CTNNA2: variants seen among roughly 807,000 people sequenced by gnomAD.
CTNNA2 encodes the protein catenin alpha-2.
A neutral mutation model predicts 101.0 loss-of-function variants in CTNNA2; 42 were observed. The observed-to-expected ratio is 0.42, with a 90% CI of 0.32 to 0.54. The LOEUF is 0.54. Ranked by LOEUF, CTNNA2 falls within the 20% of genes least tolerant of loss-of-function variation. The probability of loss-of-function intolerance (pLI) is 0.14; values close to 1 mark genes in which losing one functional copy is unlikely to be tolerated. For missense variants in CTNNA2, 871 were observed against 1,223.1 expected, an observed-to-expected ratio of 0.71 and a Z score of 4.29; for synonymous variants, 450 against 456.4, an observed-to-expected ratio of 0.99 and a Z score of 0.18.
intron 8 of CTNNA2, among the ~76,000 whole-genome samples, chr2:80,400,349 GC>G (rs1559077981): frequency 6.6e-6 from 1 of 151,954 alleles, no homozygotes; most frequent in African/African-American, 2.4e-5. Flanking sequence ...CTTCCTGCAG[GC>G]TCTGCCATGC....
intron 9 of CTNNA2, among the ~76,000 whole-genome samples, chr2:80,466,556 C>CA (rs1039300834): frequency 8.6e-5 from 13 of 151,180 alleles, no homozygotes; most frequent in South Asian, 6.3e-4. Context: ...AATATTTTTG[C>CA]AAAAAAAAGA....
chr2:80,565,667 A>G (rs12714010), intron 12 of CTNNA2, among the ~76,000 whole-genome samples: 89,663 of 151,860 alleles, frequency 0.59, 26,997 homozygotes, highest in South Asian at 0.83. Context: ...AGCATTTACT[A>G]TGGCTCTTTC....
At chr2:80,136,925 G>A (rs1390971640) in intron 7 of CTNNA2, among the ~76,000 whole-genome samples, 1 of 152,278 alleles carries the variant, frequency 6.6e-6, no homozygotes, top group African/African-American at 2.4e-5. Flanking sequence ...CACAACTGCT[G>A]CTGCATGAAG....
chr2:79,338,575 A>ATCTTCTTTTTCTTCTTCTTCTTCT (rs1239699778), intron 3 of CTNNA2, among the ~76,000 whole-genome samples: 1 of 115,422 alleles, frequency 8.7e-6, no homozygotes, highest in Non-Finnish European at 1.8e-5. Flanking sequence ...CTTCCTCCTC[A>ATCTTCTTTTTCTTCTTCTTCTTCT]TCATCTTCTT....
Position 79,324,187 on chromosome 2 carries a change from T to C in CTNNA2, c.-318+11391T>C, listed in dbSNP as rs147666918. Among the ~76,000 whole-genome samples the C allele has an allele frequency of 2.2e-3, 328 of 152,318 alleles. 3 individuals carry two copies. Among genetic ancestry groups the C allele is most frequent in the African/African-American group, 6.9e-3 (285 of 41,570 alleles). ...GATAGATGAAAGGCAGACTATTTTG[T>C]TACTTGCAGCTCTGAATGAGAGAAG... On this transcript the variant is annotated intron_variant, in intron 3 of 21. Coordinates refer to the CTNNA2 transcript ENST00000466387.
chr2:80,461,148 C>A (rs983884269), intron 9 of CTNNA2, among the ~76,000 whole-genome samples: 1 of 152,170 alleles, frequency 6.6e-6, no homozygotes, highest in Admixed American at 6.5e-5. Flanking sequence ...CCCATTTGTG[C>A]ATTTCCTTGT....
chr2:80,521,128 C>G (rs1001157305), intron 9 of CTNNA2, among the ~76,000 whole-genome samples: 2 of 152,162 alleles, frequency 1.3e-5, no homozygotes, highest in Non-Finnish European at 2.9e-5. Flanking sequence ...GGCCGCGTCC[C>G]TGTGTAGTGA....
In CTNNA2 at chr2:79,563,025, A is replaced by G. The variant is rs1438153569; in HGVS notation, c.-6+49818A>G. Among the ~76,000 whole-genome samples, 4 of 152,106 alleles carry G rather than the reference A, an allele frequency of 2.6e-5. No homozygotes were observed. In the East Asian group the frequency reaches 5.8e-4, roughly 22 times the overall value. ...ACAATATATGCACTGTCTAACCAAG[A>G]AGGTGTGTATTCATGGCATTATGAT... On this transcript the variant is annotated intron_variant, in intron 1 of 18. Coordinates refer to ENST00000402739, the MANE Select transcript of CTNNA2 (RefSeq NM_001282597.3).
chr2:79,875,983 T>A (rs1682994909), intron 6 of CTNNA2, among the ~76,000 whole-genome samples: 1 of 151,270 alleles, frequency 6.6e-6, no homozygotes, highest in Non-Finnish European at 1.5e-5. Flanking sequence ...AAAGTTAATT[T>A]TATTTTATTA....
At chr2:80,238,550 C>A (rs1709663620) in intron 7 of CTNNA2, among the ~76,000 whole-genome samples, 1 of 152,100 alleles carries the variant, frequency 6.6e-6, no homozygotes, top group African/African-American at 2.4e-5. Flanking sequence ...TTGTAGACAG[C>A]CTGCAGAGAG....
chr2:79,205,135 C>A (rs1014052860), intron 2 of CTNNA2, among the ~76,000 whole-genome samples: 1 of 152,184 alleles, frequency 6.6e-6, no homozygotes, highest in African/African-American at 2.4e-5. Flanking sequence ...TATATGGCTT[C>A]TTTGTGGCTC....
chr2:79,818,818 CAATTAT>C lies in CTNNA2; in HGVS notation c.299-39193_299-39188del, dbSNP rs1228403931. The stretch of plus-strand genomic sequence containing the variant: ...ATCATATACTTCAGGATCCAAAATG[CAATTAT>C]ATATATATATATATATATATATATG... On this transcript the variant is annotated intron_variant, in intron 3 of 18. Coordinates refer to ENST00000402739, the MANE Select transcript of CTNNA2 (RefSeq NM_001282597.3). 3.2e-4 allele frequency among the ~76,000 whole-genome samples: 15 copies of C among 46,968 alleles called. 1 individual carries two copies. The South Asian group carries it at 0.013, about 42-fold the overall frequency. The allele number at this position is 46,968 out of a possible 152,430, so 30.8% of individuals were successfully genotyped here.
chr2:80,475,527 A>C (rs1311333937), intron 9 of CTNNA2, among the ~76,000 whole-genome samples: 2 of 152,192 alleles, frequency 1.3e-5, no homozygotes, highest in Admixed American at 6.5e-5. Context: ...GATGAGATAT[A>C]AATATCCCTT....
chr2:79,669,219 G>A (rs72923381), intron 2 of CTNNA2, among the ~76,000 whole-genome samples: 20,050 of 152,250 alleles, frequency 0.13, 1,726 homozygotes, highest in East Asian at 0.25. Context: ...ATGAAGAAAA[G>A]CAGGAGAAAT....
chr2:79,458,281 T>A (rs776776918), intron 4 of CTNNA2, among the ~76,000 whole-genome samples: 31 of 152,218 alleles, frequency 2.0e-4, no homozygotes, highest in Non-Finnish European at 2.4e-4. Flanking sequence ...AACAGTATCA[T>A]TTTATTTCTT....
intron 1 of CTNNA2, among the ~76,000 whole-genome samples, chr2:79,536,913 G>A (rs1673110162): frequency 6.6e-6 from 1 of 152,014 alleles, no homozygotes; most frequent in African/African-American, 2.4e-5. Flanking sequence ...TGTTGCCCAG[G>A]CTGGGCTCGA....
intron 3 of CTNNA2, among the ~76,000 whole-genome samples, chr2:79,373,004 A>T (rs779470904): frequency 3.9e-5 from 6 of 152,228 alleles, no homozygotes; most frequent in Non-Finnish European, 7.3e-5. Context: ...ATAGTATAGG[A>T]ACCTAATAAA....
At position 79,556,516 on chromosome 2, in the gene CTNNA2, T is replaced by G. The variant is rs1309980558; in HGVS notation, c.-6+43309T>G. Reference sequence around the variant, plus strand: ...GATGATTCTGACGGTTTCTAGTTTTTTGAATTGAAGCCAGTCCCCTGATAC... The same window carrying G: ...GATGATTCTGACGGTTTCTAGTTTTGTGAATTGAAGCCAGTCCCCTGATAC... On this transcript the variant is annotated intron_variant, in intron 1 of 18. Coordinates refer to ENST00000402739, the MANE Select transcript of CTNNA2 (RefSeq NM_001282597.3). Among the ~76,000 whole-genome samples, 5 of 152,186 alleles carry G rather than the reference T, an allele frequency of 3.3e-5. No homozygotes were observed. The East Asian group carries it at 9.7e-4, about 29-fold the overall frequency.
At chr2:80,635,344 G>T (rs915872510) in intron 18 of CTNNA2, among the ~76,000 whole-genome samples, 1 of 151,986 alleles carries the variant, frequency 6.6e-6, no homozygotes, top group Admixed American at 6.6e-5. Context: ...CCCATGGATC[G>T]ACTGCTCAAA....
Sources: allele counts gnomAD v4.1 joint callset (sites outside exome capture counted in the v4.1 genomes callset), GRCh38; gene constraint gnomAD v4.1.1; transcripts MANE v1.5; gene names NCBI Gene and HGNC (gene_info 2026-07-23, HGNC 2026-07-21).